Variants in TNIK observed in about 807,000 individuals in gnomAD.
TNIK encodes TRAF2 and NCK interacting kinase.
In TNIK, 49 loss-of-function variants were observed where a neutral mutation model predicts 191.3. The ratio of observed to expected loss-of-function variants is 0.26; its 90% confidence interval spans 0.20 to 0.32. TNIK has a LOEUF of 0.32. Among genes scored for constraint, TNIK ranks in the 10% least tolerant of loss-of-function variants. TNIK has a pLI of 1.00. For synonymous variants in TNIK, 594 were observed against 600.9 expected, an observed-to-expected ratio of 0.99 and a Z score of 0.17; for missense variants, 1,155 against 1,702.3, an observed-to-expected ratio of 0.68 and a Z score of 5.66.
chr3:171,146,756 G>T (rs1731650037), intron 12 of TNIK, among the ~76,000 whole-genome samples: 1 of 151,992 alleles, frequency 6.6e-6, no homozygotes, highest in Non-Finnish European at 1.5e-5. Context: ...TGGGTGTGAT[G>T]GTGCGTGCCT....
intron 9 of TNIK, among the ~76,000 whole-genome samples, chr3:171,174,651 A>G (rs1735753008): frequency 6.6e-6 from 1 of 152,172 alleles, no homozygotes; most frequent in Non-Finnish European, 1.5e-5. Context: ...CACTCATACT[A>G]GTATTCATGT....
intron 2 of TNIK, among the ~76,000 whole-genome samples, chr3:171,304,622 C>A (rs1297869201): frequency 4.6e-5 from 7 of 152,126 alleles, no homozygotes; most frequent in South Asian, 2.1e-4. Flanking sequence ...AATGTCCAAC[C>A]ATGATAGACT....
intron 3 of TNIK, among the ~76,000 whole-genome samples, chr3:171,227,398 G>T (rs754805355): frequency 6.6e-6 from 1 of 152,090 alleles, no homozygotes; most frequent in Non-Finnish European, 1.5e-5. Flanking sequence ...GGATCTTAGA[G>T]CCATCCAAGC....
chr3:171,456,113 TG>T (rs1473741627), intron 1 of TNIK, among the ~76,000 whole-genome samples: 1 of 121,964 alleles, frequency 8.2e-6, no homozygotes, highest in Non-Finnish European at 1.8e-5. Context: ...AATACAAAAG[TG>T]TATGTGAGTC....
rs146282718 is a variant in TNIK, at chr3:171,288,905, A to C, written c.124-60684T>G. 2.7e-4 allele frequency among the ~76,000 whole-genome samples: 41 copies of C among 152,282 alleles called. No homozygotes were observed. The East Asian group carries it at 4.2e-3, about 16-fold the overall frequency. On this transcript the variant is annotated intron_variant, in intron 2 of 32. Transcript: ENST00000436636. ...AACATTTATCTATTTGGAGAAGTAGAATGAAATGAAATCTTTTTGAAAAAA... is the reference window on the plus strand; with the variant it reads ...AACATTTATCTATTTGGAGAAGTAGCATGAAATGAAATCTTTTTGAAAAAA...
At chr3:171,337,691 A>C (rs1455548174) in intron 2 of TNIK, among the ~76,000 whole-genome samples, 3 of 152,216 alleles carry the variant, frequency 2.0e-5, no homozygotes, top group Non-Finnish European at 2.9e-5. Flanking sequence ...ATATTTATCC[A>C]GGCCTGAGTT....
chr3:171,242,289 C>T (rs1205196859), intron 2 of TNIK, among the ~76,000 whole-genome samples: 1 of 152,126 alleles, frequency 6.6e-6, no homozygotes, highest in African/African-American at 2.4e-5. Flanking sequence ...CTAAGGACAC[C>T]TGCACAAAAC....
intron 18 of TNIK, among the ~76,000 whole-genome samples, chr3:171,116,646 G>A (rs1281102288): frequency 6.6e-6 from 1 of 152,178 alleles, no homozygotes; most frequent in Non-Finnish European, 1.5e-5. Context: ...GGTTTGGGAT[G>A]GGACAGAGAA....
chr3:171,379,222 A>C (rs1158736776), intron 1 of TNIK, among the ~76,000 whole-genome samples: 1 of 152,230 alleles, frequency 6.6e-6, no homozygotes, highest in Non-Finnish European at 1.5e-5. Flanking sequence ...TCATACTCAC[A>C]GTTAGCTCAG....
chr3:171,418,677 G>A (rs116135937), intron 1 of TNIK, among the ~76,000 whole-genome samples: 3,478 of 152,238 alleles, frequency 0.023, 55 homozygotes, highest in Non-Finnish European at 0.034. Context: ...TTAGGGTGGC[G>A]TAGGGAGAAT....
intron 2 of TNIK, among the ~76,000 whole-genome samples, chr3:171,259,711 AAAGCAC>A (rs1041007628): frequency 6.6e-5 from 10 of 152,188 alleles, no homozygotes; most frequent in African/African-American, 2.4e-4. Context: ...CCACAACTGA[AAAGCAC>A]AACCTCTTAA....
chr3:171,300,493 T>C (rs982582773), intron 2 of TNIK, among the ~76,000 whole-genome samples: 6 of 152,178 alleles, frequency 3.9e-5, no homozygotes, highest in South Asian at 2.1e-4. Flanking sequence ...TTATAAGACC[T>C]ACAAATATGC....
At chr3:171,202,735 T>A (rs1274903451) in intron 4 of TNIK, among the ~76,000 whole-genome samples, 1 of 152,222 alleles carries the variant, frequency 6.6e-6, no homozygotes, top group Admixed American at 6.5e-5. Flanking sequence ...TACGTGTAGC[T>A]TCAGATCTGT....
chr3:171,294,620 C>G (rs1752054139), intron 2 of TNIK, among the ~76,000 whole-genome samples: 5 of 152,066 alleles, frequency 3.3e-5, no homozygotes, highest in Admixed American at 2.0e-4. Flanking sequence ...ACTCAGGAGG[C>G]TGAGGCAGGA....
At chr3:171,382,176 C>T (rs1718117021) in intron 1 of TNIK, among the ~76,000 whole-genome samples, 1 of 147,546 alleles carries the variant, frequency 6.8e-6, no homozygotes, top group East Asian at 2.0e-4. Context: ...TAGCCTTTTG[C>T]TCTTTGGTAG....
rs1560055776 is a variant in TNIK at position 171,060,819 on chromosome 3, C to T, written c.*3062G>A. ...GGAATGATGGTCACCTGCCAGACCC[C>T]AGACCCAGACTATGGTGTGGGCAGG... is the stretch of plus-strand genomic sequence containing the variant. On this transcript the variant is annotated 3_prime_UTR_variant, in exon 33 of 33. Transcript: ENST00000436636. Among the ~76,000 whole-genome samples, 2 of 152,120 alleles carry T rather than the reference C, an allele frequency of 1.3e-5. No individual in the cohort carries two copies. Among genetic ancestry groups the T allele is most frequent in the Non-Finnish European group, 2.9e-5 (2 of 68,018 alleles).
intron 2 of TNIK, among the ~76,000 whole-genome samples, chr3:171,276,442 C>G (rs916380947): frequency 1.3e-5 from 2 of 151,956 alleles, no homozygotes; most frequent in African/African-American, 4.8e-5. Flanking sequence ...CGGAAAATGT[C>G]AAAAGTGGAA....
intron 2 of TNIK, among the ~76,000 whole-genome samples, chr3:171,363,176 C>T (rs978456906): frequency 3.3e-5 from 5 of 152,110 alleles, no homozygotes; most frequent in Non-Finnish European, 5.9e-5. Flanking sequence ...CACAGTACAG[C>T]CCCCACAACA....
At chr3:171,456,578 C>CAG (rs1481877986) in intron 1 of TNIK, among the ~76,000 whole-genome samples, 2 of 152,126 alleles carry the variant, frequency 1.3e-5, no homozygotes, top group African/African-American at 4.8e-5. Context: ...ACAGGTTACT[C>CAG]AGAGAGGTTA....
Sources: allele counts gnomAD v4.1 joint callset (sites outside exome capture counted in the v4.1 genomes callset), GRCh38; gene constraint gnomAD v4.1.1; transcripts MANE v1.5; gene names NCBI Gene and HGNC (gene_info 2026-07-23, HGNC 2026-07-21).